WDR19: variants seen among roughly 807,000 people sequenced by gnomAD.
WDR19 encodes WD repeat-containing protein 19.
In WDR19, 121 loss-of-function variants were observed where a neutral mutation model predicts 180.0. The observed-to-expected ratio is 0.67, with a 90% CI of 0.58 to 0.78. The LOEUF (loss-of-function observed/expected upper bound fraction) is 0.78, where lower values mean the gene tolerates loss of function less well. WDR19 is among the 30% of genes least tolerant of loss of function. The probability of loss-of-function intolerance (pLI) is 0.00; values close to 1 mark genes in which losing one functional copy is unlikely to be tolerated. For missense variants in WDR19, 1,450 were observed against 1,640.7 expected (o/e 0.88, Z 2.01); for synonymous variants, 497 against 540.7 (o/e 0.92, Z 1.12).
chr4:39,199,426 T>C, intron 5 of WDR19, 52 bp from the exon 6 acceptor site: 1 of 1,424,966 alleles, frequency 7.0e-7, no homozygotes, highest in Non-Finnish European at 9.7e-7. Flanking sequence ...GCATCACAGA[T>C]TTTTTTCTTT....
intron 24 of WDR19, among the ~76,000 whole-genome samples, chr4:39,250,895 G>A (rs1056796510): frequency 1.3e-5 from 2 of 152,186 alleles, no homozygotes; most frequent in African/African-American, 2.4e-5. Context: ...ATGCTCATGG[G>A]TAGGAAGAAT....
chr4:39,259,779 G>T (rs998472971), intron 28 of WDR19, among the ~76,000 whole-genome samples: 1 of 152,192 alleles, frequency 6.6e-6, no homozygotes, highest in Non-Finnish European at 1.5e-5. Flanking sequence ...TAAACTCTGT[G>T]TTTAACATTC....
intron 20 of WDR19, among the ~76,000 whole-genome samples, chr4:39,239,885 G>T (rs1337719676): frequency 6.6e-6 from 1 of 152,054 alleles, no homozygotes; most frequent in Non-Finnish European, 1.5e-5. Flanking sequence ...TTGTAAATTG[G>T]TCTACTACTC....
intron 4 of WDR19, among the ~76,000 whole-genome samples, chr4:39,193,971 A>C (rs1430535382): frequency 6.6e-6 from 1 of 152,254 alleles, no homozygotes; most frequent in Non-Finnish European, 1.5e-5. Flanking sequence ...GGTACTCTCC[A>C]AGAAGTTCTG....
intron 12 of WDR19, 66 bp downstream of exon 12, chr4:39,216,276 T>G (rs1219728792): frequency 1.5e-6 from 2 of 1,308,432 alleles, no homozygotes; most frequent in African/African-American, 3.1e-5. Flanking sequence ...TGGGAAGCAC[T>G]GCAAGTTTCT....
At chr4:39,199,843 G>T (rs1039356087) in intron 6 of WDR19, among the ~76,000 whole-genome samples, 4 of 152,070 alleles carry the variant, frequency 2.6e-5, no homozygotes, top group African/African-American at 9.7e-5. Flanking sequence ...TATCAGCTCT[G>T]TGGTTCTAGT....
intron 19 of WDR19, 27 bp downstream of exon 19, chr4:39,232,299 T>A (rs376945985): frequency 1.3e-6 from 2 of 1,571,158 alleles, no homozygotes; most frequent in South Asian, 1.1e-5. Context: ...GAATGGAAAT[T>A]GTGTAAGAGG....
chr4:39,280,685 A>T (rs1278886399), intron 36 of WDR19, among the ~76,000 whole-genome samples: 1 of 151,190 alleles, frequency 6.6e-6, no homozygotes, highest in African/African-American at 2.4e-5. Context: ...AAGTAGACAC[A>T]GTGGCATGCA....
chr4:39,189,576 T>C (rs1725928957), intron 3 of WDR19, 80 bp from the exon 4 acceptor site: 1 of 1,285,400 alleles, frequency 7.8e-7, no homozygotes, highest in Non-Finnish European at 1.0e-6. Flanking sequence ...GATTGAATAA[T>C]CTTGTTATAG....
intron 14 of WDR19, chr4:39,218,801 C>T (rs1729356618): frequency 6.6e-6 from 1 of 152,230 alleles, no homozygotes; most frequent in African/African-American, 2.4e-5. Context: ...ACACATTGTA[C>T]AGTTACACAA....
At chr4:39,196,365 T>A (rs1224886618) in intron 5 of WDR19, among the ~76,000 whole-genome samples, 1 of 152,222 alleles carries the variant, frequency 6.6e-6, no homozygotes, top group Non-Finnish European at 1.5e-5. Context: ...ACACTTCAAA[T>A]TTAGTATCTC....
rs143848496 is a variant in WDR19, at chr4:39,284,331, AT to A, written c.*14-1131del. Among the ~76,000 whole-genome samples the A allele has an allele frequency of 8.6e-3, 791 of 91,490 alleles. 1 individual carries two copies. The highest frequency in any genetic ancestry group is 0.017 in the African/African-American group (378 of 22,374). 60.0% of individuals were successfully genotyped at this position (91,490 alleles called of 152,430 possible). A position where few individuals can be genotyped will look rare whatever the true frequency, so the allele number is the denominator to read the frequency against. Reference sequence around the variant, plus strand: ...CCTTTCTTCTAAGTAAGTAAAAAAAATTTTTTTTTTTTTTTTTTTTTTTTTG... The same window carrying A: ...CCTTTCTTCTAAGTAAGTAAAAAAAATTTTTTTTTTTTTTTTTTTTTTTTG... On this transcript the variant is annotated intron_variant, in intron 36 of 36. Coordinates refer to ENST00000399820, the MANE Select transcript of WDR19 (RefSeq NM_025132.4).
At chr4:39,256,385 T>C (rs1320798750) in intron 27 of WDR19, among the ~76,000 whole-genome samples, 1 of 152,206 alleles carries the variant, frequency 6.6e-6, no homozygotes, top group Non-Finnish European at 1.5e-5. Flanking sequence ...AGTGAAGCTA[T>C]GGGGTAAAGC....
chr4:39,257,432 T>C (rs1733869150), intron 27 of WDR19, 54 bp from the exon 28 acceptor site: 1 of 1,495,576 alleles, frequency 6.7e-7, no homozygotes, highest in Admixed American at 2.0e-5. Flanking sequence ...AGCTTTGTTT[T>C]CCCTAATGTG....
At chr4:39,185,359 A>G (rs924447151) in intron 1 of WDR19, among the ~76,000 whole-genome samples, 3 of 152,238 alleles carry the variant, frequency 2.0e-5, no homozygotes, top group Non-Finnish European at 4.4e-5. Context: ...ATCACCAGGA[A>G]TCCGTGCCAC....
intron 19 of WDR19, among the ~76,000 whole-genome samples, chr4:39,232,992 A>G (rs1398254620): frequency 6.6e-6 from 1 of 152,212 alleles, no homozygotes; most frequent in East Asian, 1.9e-4. Flanking sequence ...AAAAACATAT[A>G]CAAGGAAAAA....
At chr4:39,238,568 C>T (rs7666632) in intron 20 of WDR19, among the ~76,000 whole-genome samples, 70,100 of 151,994 alleles carry the variant, frequency 0.46, 18,684 homozygotes, top group East Asian at 0.62. Flanking sequence ...CAGGAAAAAT[C>T]CCTAGCTTGG....
At chr4:39,276,639 C>T (rs940878330) in intron 33 of WDR19, among the ~76,000 whole-genome samples, 2 of 152,180 alleles carry the variant, frequency 1.3e-5, no homozygotes, top group Non-Finnish European at 1.5e-5. Flanking sequence ...TTCTATTGGA[C>T]GGTGCTGGTA....
intron 14 of WDR19, among the ~76,000 whole-genome samples, chr4:39,224,168 A>G (rs1729992731): frequency 6.6e-6 from 1 of 152,158 alleles, no homozygotes; most frequent in Non-Finnish European, 1.5e-5. Context: ...AGTTGATTCT[A>G]TCAGGTGGAT....
Sources: allele counts gnomAD v4.1 joint callset (sites outside exome capture counted in the v4.1 genomes callset), GRCh38; gene constraint gnomAD v4.1.1; transcripts MANE v1.5; gene names NCBI Gene and HGNC (gene_info 2026-07-23, HGNC 2026-07-21).